GRM7: variants seen among roughly 807,000 people sequenced by gnomAD.
GRM7 encodes the protein glutamate metabotropic receptor 7.
Under a neutral mutation model 84.5 loss-of-function variants are expected in GRM7, and 35 were observed. The observed-to-expected ratio is 0.41, with a 90% CI of 0.32 to 0.55. The LOEUF (loss-of-function observed/expected upper bound fraction) is 0.55. Ranked by LOEUF, GRM7 falls within the 20% of genes least tolerant of loss-of-function variation. The pLI is 0.19. For missense variants in GRM7, 1,003 were observed against 1,194.6 expected, an observed-to-expected ratio of 0.84 and a Z score of 2.36; for synonymous variants, 487 against 455.1, an observed-to-expected ratio of 1.07 and a Z score of -0.89.
At chr3:7,020,377 C>G (rs539170879) in intron 1 of GRM7, among the ~76,000 whole-genome samples, 1 of 152,074 alleles carries the variant, frequency 6.6e-6, no homozygotes, top group African/African-American at 2.4e-5. Context: ...ATAGGCAGAA[C>G]ATGGGGGGAT....
At chr3:6,951,595 A>G (rs1692766958) in intron 1 of GRM7, among the ~76,000 whole-genome samples, 3 of 152,294 alleles carry the variant, frequency 2.0e-5, no homozygotes, top group Admixed American at 2.0e-4. Flanking sequence ...GGATATTTCT[A>G]GAGATCTTTC....
chr3:7,244,265 G>A (rs1697672308), intron 2 of GRM7, among the ~76,000 whole-genome samples: 1 of 152,012 alleles, frequency 6.6e-6, no homozygotes, highest in Non-Finnish European at 1.5e-5. Context: ...GTACAGCTAT[G>A]TACAGCTCTG....
intron 1 of GRM7, among the ~76,000 whole-genome samples, chr3:7,005,650 C>T (rs772830019): frequency 1.3e-5 from 2 of 152,082 alleles, no homozygotes; most frequent in Admixed American, 1.3e-4. Flanking sequence ...TGATAGTTAG[C>T]CATTGTTAGT....
chr3:7,285,865 C>T (rs1699414099), intron 2 of GRM7, among the ~76,000 whole-genome samples: 1 of 152,026 alleles, frequency 6.6e-6, no homozygotes, highest in Non-Finnish European at 1.5e-5. Context: ...ATTTCTGAAG[C>T]CCAACGTGAT....
At chr3:7,207,526 A>G (rs1017238264) in intron 2 of GRM7, among the ~76,000 whole-genome samples, 1 of 152,162 alleles carries the variant, frequency 6.6e-6, no homozygotes, top group African/African-American at 2.4e-5. Context: ...AGAAACCCGA[A>G]TAGCATGATA....
chr3:7,698,757 G>T (rs1701114263), intron 9 of GRM7, among the ~76,000 whole-genome samples: 1 of 152,272 alleles, frequency 6.6e-6, no homozygotes, highest in African/African-American at 2.4e-5. Flanking sequence ...GCCAGAAATT[G>T]CCTAATGTTT....
intron 8 of GRM7, among the ~76,000 whole-genome samples, chr3:7,656,873 A>G (rs1307292299): frequency 6.6e-6 from 1 of 152,212 alleles, no homozygotes; most frequent in East Asian, 1.9e-4. Context: ...AGATCCTAAA[A>G]TGGTCATAAT....
chr3:7,326,075 A>G (rs1198222786), intron 4 of GRM7, among the ~76,000 whole-genome samples: 1 of 128,964 alleles, frequency 7.8e-6, no homozygotes, highest in Admixed American at 8.7e-5. Context: ...CATGAACACT[A>G]CTTGATTCTT....
intron 5 of GRM7, among the ~76,000 whole-genome samples, chr3:7,435,750 C>T (rs796622333): frequency 2.8e-5 from 4 of 142,846 alleles, no homozygotes; most frequent in Admixed American, 7.2e-5. Flanking sequence ...TGCAGTGGCA[C>T]GATCTTGGCT....
chr3:7,710,989 C>G (rs567306792), intron 9 of GRM7, among the ~76,000 whole-genome samples: 1 of 152,168 alleles, frequency 6.6e-6, no homozygotes, highest in East Asian at 1.9e-4. Context: ...AATGTCCCTC[C>G]TATGTACTCC....
At chr3:7,736,238 A>T (rs1702495171) in intron 9 of GRM7, among the ~76,000 whole-genome samples, 1 of 152,178 alleles carries the variant, frequency 6.6e-6, no homozygotes, top group African/African-American at 2.4e-5. Context: ...TCCTTTGCAT[A>T]AGTTAAAAAA....
intron 5 of GRM7, among the ~76,000 whole-genome samples, chr3:7,442,950 C>T (rs1191219752): frequency 6.6e-6 from 1 of 152,056 alleles, no homozygotes; most frequent in African/African-American, 2.4e-5. Context: ...TTCATCTCCT[C>T]TCTTGCCTCC....
At chr3:7,386,279 T>G (rs1370913350) in intron 4 of GRM7, among the ~76,000 whole-genome samples, 1 of 152,222 alleles carries the variant, frequency 6.6e-6, no homozygotes, top group Non-Finnish European at 1.5e-5. Flanking sequence ...TTAATGTTTT[T>G]AAAAAATTTT....
rs747520037 is a variant in GRM7, at chr3:7,394,078, C to A, written c.1034-20945C>A. Reference sequence around the variant, plus strand: ...TCATTCTTCGCATCTTAGAGATAAACCTCAGCTTAGAAAATTTAAATAACA... The same window carrying A: ...TCATTCTTCGCATCTTAGAGATAAAACTCAGCTTAGAAAATTTAAATAACA... On this transcript the variant is annotated intron_variant, in intron 4 of 9. Transcript: ENST00000357716. 3.3e-5 allele frequency among the ~76,000 whole-genome samples: 5 copies of A among 152,134 alleles called. No homozygotes were observed. In the East Asian group the frequency reaches 5.8e-4, roughly 18 times the overall value.
chr3:7,369,055 A>G (rs1046810480), intron 4 of GRM7, among the ~76,000 whole-genome samples: 6 of 151,952 alleles, frequency 3.9e-5, no homozygotes, highest in African/African-American at 1.5e-4. Context: ...CAACCTGAGA[A>G]ATCTTTCTTT....
chr3:6,995,046 A>G (rs1273298497), intron 1 of GRM7, among the ~76,000 whole-genome samples: 3 of 152,208 alleles, frequency 2.0e-5, no homozygotes, highest in South Asian at 2.1e-4. Context: ...GAGTTGGTAC[A>G]CCACTTTCCA....
chr3:7,592,986 T>C (rs897141865), intron 8 of GRM7, among the ~76,000 whole-genome samples: 33 of 152,164 alleles, frequency 2.2e-4, no homozygotes, highest in African/African-American at 6.8e-4. Context: ...ACCTCTTCCA[T>C]GGATAAGATA....
intron 4 of GRM7, among the ~76,000 whole-genome samples, chr3:7,399,497 A>T (rs1474815317): frequency 6.6e-6 from 1 of 151,980 alleles, no homozygotes; most frequent in African/African-American, 2.4e-5. Flanking sequence ...TTTCTGCCTC[A>T]TTTTTCCCAT....
chr3:7,257,416 A>G lies in GRM7; in HGVS notation c.737-41268A>G, dbSNP rs550299346. On this transcript the variant is annotated intron_variant, in intron 2 of 9. Coordinates refer to ENST00000357716, the MANE Select transcript of GRM7 (RefSeq NM_000844.4). ...GCAGGCCAAATCTTTCTGAATAGCC[A>G]TTACAATCTGCTTACCCCATACTAA... Among the ~76,000 whole-genome samples, 4 of 152,310 alleles carry G rather than the reference A, an allele frequency of 2.6e-5. No individual in the cohort carries two copies. The South Asian group carries it at 6.2e-4, about 24-fold the overall frequency.
Sources: allele counts gnomAD v4.1 joint callset (sites outside exome capture counted in the v4.1 genomes callset), GRCh38; gene constraint gnomAD v4.1.1; transcripts MANE v1.5; gene names NCBI Gene and HGNC (gene_info 2026-07-23, HGNC 2026-07-21).